FILIP1L: variants seen among roughly 807,000 people sequenced by gnomAD.
FILIP1L encodes the protein filamin A-interacting protein 1-like.
A neutral mutation model predicts 96.6 loss-of-function variants in FILIP1L; 55 were observed. The observed-to-expected ratio is 0.57, with a 90% CI of 0.46 to 0.71. The LOEUF (loss-of-function observed/expected upper bound fraction) is 0.71, where lower values mean the gene tolerates loss of function less well. FILIP1L is among the 30% of genes least tolerant of loss of function. The probability of loss-of-function intolerance (pLI) is 0.00; values close to 1 mark genes in which losing one functional copy is unlikely to be tolerated. For missense variants in FILIP1L, 1,304 were observed against 1,321.2 expected, an observed-to-expected ratio of 0.99 and a Z score of 0.20; for synonymous variants, 467 against 473.9, an observed-to-expected ratio of 0.99 and a Z score of 0.19.
At chr3:100,061,072 G>T (rs1346629149) in intron 1 of FILIP1L, among the ~76,000 whole-genome samples, 1 of 151,902 alleles carries the variant, frequency 6.6e-6, no homozygotes, top group African/African-American at 2.4e-5. Flanking sequence ...CTCTTAAGTG[G>T]CCAATAGATG....
intron 1 of FILIP1L, among the ~76,000 whole-genome samples, chr3:100,003,080 A>C (rs190046152): frequency 6.6e-6 from 1 of 152,242 alleles, no homozygotes; most frequent in East Asian, 1.9e-4. Context: ...TGACTCACAT[A>C]CTGAGGTACT....
intron 1 of FILIP1L, among the ~76,000 whole-genome samples, chr3:100,029,562 A>G (rs2064987615): frequency 6.6e-6 from 1 of 152,220 alleles, no homozygotes; most frequent in Non-Finnish European, 1.5e-5. Context: ...TTTATTAAAG[A>G]CATAGCTTTT....
chr3:99,891,789 A>G (rs1210737460), intron 4 of FILIP1L, among the ~76,000 whole-genome samples: 2 of 152,204 alleles, frequency 1.3e-5, no homozygotes, highest in African/African-American at 4.8e-5. Context: ...CAGCTTACTA[A>G]TAAGCCACCA....
chr3:99,832,950 T>C (rs1313730257), intron 5 of FILIP1L, among the ~76,000 whole-genome samples: 1 of 151,716 alleles, frequency 6.6e-6, no homozygotes, highest in Non-Finnish European at 1.5e-5. Context: ...TCTTGGATCA[T>C]TTTTATAGAG....
intron 4 of FILIP1L, among the ~76,000 whole-genome samples, chr3:99,867,992 AAGAG>A (rs1465063612): frequency 6.6e-6 from 1 of 152,218 alleles, no homozygotes; most frequent in African/African-American, 2.4e-5. Flanking sequence ...TTAATTTCAA[AAGAG>A]ACTCTTTATT....
At chr3:100,063,174 CTTG>C (rs1449079525) in intron 1 of FILIP1L, among the ~76,000 whole-genome samples, 5 of 152,178 alleles carry the variant, frequency 3.3e-5, no homozygotes, top group Non-Finnish European at 7.3e-5. Flanking sequence ...TCACCCACTA[CTTG>C]TTGTCCATTT....
chr3:100,065,057 G>A (rs2065640871), intron 1 of FILIP1L, among the ~76,000 whole-genome samples: 2 of 152,184 alleles, frequency 1.3e-5, no homozygotes, highest in South Asian at 4.1e-4. Flanking sequence ...TTTAGGGTCA[G>A]TCTCATAAGA....
intron 4 of FILIP1L, among the ~76,000 whole-genome samples, chr3:99,904,610 G>GT (rs973170914): frequency 1.3e-5 from 2 of 150,864 alleles, no homozygotes; most frequent in East Asian, 2.0e-4. Context: ...TCTTTTTTTT[G>GT]TTTTTTTGTT....
rs149875985 is a variant in FILIP1L, at chr3:99,857,058, C to T, written c.606-5988G>A. ...TCATTTCTGTGTCCTACAGTGTCTA[C>T]CACAAAGCACTTATATGTAGAGGGA... On this transcript the variant is annotated intron_variant, in intron 4 of 5. Coordinates refer to ENST00000477258, the MANE Select transcript of FILIP1L (RefSeq NM_001387850.1). 1.7e-3 allele frequency among the ~76,000 whole-genome samples: 258 copies of T among 152,246 alleles called. 2 individuals carry two copies. The highest frequency in any genetic ancestry group is 3.5e-3 in the Admixed American group (53 of 15,292).
chr3:99,919,295 C>G (rs1419884374), intron 4 of FILIP1L, among the ~76,000 whole-genome samples: 3 of 151,522 alleles, frequency 2.0e-5, no homozygotes, highest in Admixed American at 6.6e-5. Context: ...GTCATGAACT[C>G]ATAATGCCTT....
At chr3:99,981,479 A>G (rs1318802635) in intron 1 of FILIP1L, among the ~76,000 whole-genome samples, 2 of 152,178 alleles carry the variant, frequency 1.3e-5, no homozygotes, top group Non-Finnish European at 2.9e-5. Flanking sequence ...AGCACTCACA[A>G]TGATACATGA....
intron 4 of FILIP1L, among the ~76,000 whole-genome samples, chr3:99,920,321 CT>C (rs1433185582): frequency 6.6e-6 from 1 of 151,956 alleles, no homozygotes; most frequent in African/African-American, 2.4e-5. Context: ...AATATGCAAG[CT>C]TTTTTGAAAG....
intron 1 of FILIP1L, among the ~76,000 whole-genome samples, chr3:100,007,091 A>T (rs578034730): frequency 5.5e-4 from 83 of 152,010 alleles, no homozygotes; most frequent in African/African-American, 2.0e-3. Flanking sequence ...CAGTTTTCTG[A>T]CTCGCTTTTT....
At chr3:99,991,686 T>C (rs879671530) in intron 1 of FILIP1L, among the ~76,000 whole-genome samples, 7 of 152,006 alleles carry the variant, frequency 4.6e-5, no homozygotes, top group Non-Finnish European at 8.8e-5. Context: ...CTCCCACTTA[T>C]AGGTGAGAAC....
chr3:99,832,261 C>T (rs1345577032), intron 5 of FILIP1L, among the ~76,000 whole-genome samples: 9 of 146,732 alleles, frequency 6.1e-5, no homozygotes, highest in Non-Finnish European at 6.0e-5. Flanking sequence ...GACGGAGTCT[C>T]GCTGTATCAC....
At chr3:99,970,746 G>A (rs943862200) in intron 1 of FILIP1L, among the ~76,000 whole-genome samples, 1 of 152,216 alleles carries the variant, frequency 6.6e-6, no homozygotes, top group South Asian at 2.1e-4. Flanking sequence ...AGCGTGCTAC[G>A]ATAGACCTCA....
At chr3:99,950,357 C>T (rs1357475516) in intron 1 of FILIP1L, among the ~76,000 whole-genome samples, 1 of 152,098 alleles carries the variant, frequency 6.6e-6, no homozygotes. Context: ...GTGATGGATG[C>T]CTGATTATTC....
intron 1 of FILIP1L, among the ~76,000 whole-genome samples, chr3:100,085,398 A>G (rs2065992109): frequency 6.6e-6 from 1 of 152,132 alleles, no homozygotes; most frequent in African/African-American, 2.4e-5. Flanking sequence ...TTTTACTATA[A>G]TAGCAGGGTC....
chr3:100,091,257 A>C (rs1182036188), intron 1 of FILIP1L, among the ~76,000 whole-genome samples: 3 of 150,364 alleles, frequency 2.0e-5, no homozygotes, highest in African/African-American at 7.3e-5. Flanking sequence ...TGCACTCCAG[A>C]CTAGGCGACA....
Sources: gnomAD v4.1 joint callset for allele counts (sites outside exome capture counted in the v4.1 genomes callset) on GRCh38, gnomAD v4.1.1 for gene constraint, MANE v1.5 for transcripts, NCBI Gene and HGNC (gene_info 2026-07-23, HGNC 2026-07-21) for gene names.